FNDC3B: variants seen among roughly 807,000 people sequenced by gnomAD.
The protein encoded by FNDC3B is fibronectin type III domain containing 3B, also known as fibronectin type III domain-containing protein 3B.
A neutral mutation model predicts 151.5 loss-of-function variants in FNDC3B; 12 were observed. The ratio of observed to expected loss-of-function variants is 0.08; its 90% CI spans 0.05 to 0.13. The LOEUF (loss-of-function observed/expected upper bound fraction) is 0.13, where lower values mean the gene tolerates loss of function less well. Among genes scored for constraint, FNDC3B ranks in the 10% least tolerant of loss-of-function variants. The pLI is 1.00. For synonymous variants in FNDC3B, 528 were observed against 549.0 expected (o/e 0.96, Z 0.54); for missense variants, 1,214 against 1,505.3 (o/e 0.81, Z 3.20).
At chr3:172,073,642 C>T (rs1411854424) in intron 1 of FNDC3B, among the ~76,000 whole-genome samples, 3 of 152,158 alleles carry the variant, frequency 2.0e-5, no homozygotes, top group Admixed American at 6.5e-5. Flanking sequence ...TATCTGCCTC[C>T]TTGCCAATAA....
chr3:172,200,002 T>TATTCATTCATTCATTCATTCATTC (rs1238059887), intron 3 of FNDC3B, among the ~76,000 whole-genome samples: 2 of 150,752 alleles, frequency 1.3e-5, no homozygotes, highest in Non-Finnish European at 2.9e-5. Flanking sequence ...CAATACTTTG[T>TATTCATTCATTCATTCATTCATTC]ATTCATTCAT....
At chr3:172,097,814 A>G (rs570654988) in intron 1 of FNDC3B, among the ~76,000 whole-genome samples, 1 of 152,310 alleles carries the variant, frequency 6.6e-6, no homozygotes, top group East Asian at 1.9e-4. Context: ...ATTATTTATG[A>G]TGGGCATGGA....
intron 4 of FNDC3B, among the ~76,000 whole-genome samples, chr3:172,229,751 G>C (rs1012492335): frequency 1.3e-5 from 2 of 152,122 alleles, no homozygotes; most frequent in African/African-American, 2.4e-5. Context: ...GTACAGGAGA[G>C]ATTCATATAT....
At chr3:172,186,826 G>A (rs957523499) in intron 3 of FNDC3B, 1 of 678,738 alleles carries the variant, frequency 1.5e-6, no homozygotes, top group Admixed American at 2.2e-5. Flanking sequence ...TTCATTACGA[G>A]CACTTCGCGG....
chr3:172,372,021 C>A (rs2108357970), intron 23 of FNDC3B, among the ~76,000 whole-genome samples: 1 of 152,270 alleles, frequency 6.6e-6, no homozygotes, highest in East Asian at 1.9e-4. Flanking sequence ...CCTTTTAATT[C>A]TCTCAATAAT....
intron 6 of FNDC3B, among the ~76,000 whole-genome samples, chr3:172,256,934 C>CT (rs768887626): frequency 1.4e-3 from 207 of 144,348 alleles, no homozygotes; most frequent in African/African-American, 1.8e-3. Flanking sequence ...AATTTCCAAA[C>CT]TTTTTTTTTT....
intron 4 of FNDC3B, among the ~76,000 whole-genome samples, chr3:172,242,996 A>G (rs1294573063): frequency 1.3e-5 from 2 of 152,168 alleles, no homozygotes; most frequent in Non-Finnish European, 2.9e-5. Context: ...TTTCAAGTTC[A>G]AAGTCCCACA....
At chr3:172,141,691 A>G (rs1467945947) in intron 3 of FNDC3B, among the ~76,000 whole-genome samples, 1 of 152,064 alleles carries the variant, frequency 6.6e-6, no homozygotes, top group Non-Finnish European at 1.5e-5. Flanking sequence ...TAAATACCAA[A>G]ATACAAAAAT....
chr3:172,359,773 G>A (rs940046275), intron 22 of FNDC3B, among the ~76,000 whole-genome samples: 2 of 152,098 alleles, frequency 1.3e-5, no homozygotes, highest in African/African-American at 2.4e-5. Flanking sequence ...GTGTTATACC[G>A]AGAGACTTAT....
chr3:172,314,754 A>G (rs900218080), intron 11 of FNDC3B, among the ~76,000 whole-genome samples: 3 of 152,212 alleles, frequency 2.0e-5, no homozygotes, highest in African/African-American at 7.2e-5. Context: ...TGCCGAGTTG[A>G]CCTTCATGGG....
chr3:172,096,544 A>C (rs1215957329), intron 1 of FNDC3B, among the ~76,000 whole-genome samples: 1 of 152,206 alleles, frequency 6.6e-6, no homozygotes, highest in Non-Finnish European at 1.5e-5. Context: ...GGAGAATTTC[A>C]CCATCTTCTC....
intron 25 of FNDC3B, among the ~76,000 whole-genome samples, chr3:172,392,739 G>A (rs1263228332): frequency 1.3e-5 from 2 of 150,218 alleles, no homozygotes; most frequent in Non-Finnish European, 3.0e-5. Flanking sequence ...GTATTAATGG[G>A]TAGAATTATT....
intron 16 of FNDC3B, chr3:172,338,333 A>AAAAAG (rs1733098204): frequency 6.6e-6 from 1 of 151,710 alleles, no homozygotes; most frequent in Non-Finnish European, 1.5e-5. Context: ...AAAAAAAAAA[A>AAAAAG]TTCTTATAAG....
chr3:172,330,811 C>A, intron 13 of FNDC3B, 96 bp downstream of exon 13: 2 of 911,504 alleles, frequency 2.2e-6, no homozygotes, highest in Non-Finnish European at 3.3e-6. Context: ...TGCATCAGTT[C>A]AAAGCCAAAC....
intron 1 of FNDC3B, among the ~76,000 whole-genome samples, chr3:172,064,301 A>T (rs2108476377): frequency 6.6e-6 from 1 of 152,234 alleles, no homozygotes; most frequent in East Asian, 1.9e-4. Flanking sequence ...CAACCCCGAG[A>T]ACTGTAAGAA....
chr3:172,133,252 T>G (rs191027860), intron 2 of FNDC3B, among the ~76,000 whole-genome samples: 1 of 152,374 alleles, frequency 6.6e-6, no homozygotes, highest in East Asian at 1.9e-4. Flanking sequence ...TAAAGTTAGA[T>G]AGCATCATAA....
chr3:172,127,055 G>C (rs1720840288), intron 2 of FNDC3B: 2 of 456,720 alleles, frequency 4.4e-6, no homozygotes, highest in Non-Finnish European at 4.4e-6. Flanking sequence ...AATCTGGTCA[G>C]AGGTGAGAAG....
intron 3 of FNDC3B, among the ~76,000 whole-genome samples, chr3:172,209,992 T>C (rs573935673): frequency 6.6e-6 from 1 of 152,348 alleles, no homozygotes; most frequent in African/African-American, 2.4e-5. Context: ...ACAACTGTTT[T>C]CCGACTGGAG....
chr3:172,268,672 T>C (rs2108800096), intron 6 of FNDC3B, among the ~76,000 whole-genome samples: 1 of 152,328 alleles, frequency 6.6e-6, no homozygotes, highest in African/African-American at 2.4e-5. Context: ...TGCTAGGACC[T>C]TAATAGAGGA....
Sources: gnomAD v4.1 joint callset for allele counts (sites outside exome capture counted in the v4.1 genomes callset) on GRCh38, gnomAD v4.1.1 for gene constraint, MANE v1.5 for transcripts, NCBI Gene and HGNC (gene_info 2026-07-23, HGNC 2026-07-21) for gene names.